DPH6: variants seen among roughly 807,000 people sequenced by gnomAD.
DPH6 encodes diphthamine biosynthesis 6.
DPH6 carries 33 observed loss-of-function variants against 38.2 expected under a neutral mutation model. The observed-to-expected ratio is 0.86, with a 90% CI of 0.65 to 1.15. The LOEUF is 1.15. Ranked by LOEUF, DPH6 falls within the 50% of genes most tolerant of loss-of-function variation. The pLI, the probability that DPH6 is intolerant of heterozygous loss-of-function variation, is 0.00. For synonymous variants in DPH6, 108 were observed against 103.0 expected, an observed-to-expected ratio of 1.05 and a Z score of -0.30; for missense variants, 325 against 320.0, an observed-to-expected ratio of 1.02 and a Z score of -0.12.
At chr15:35,173,623 A>G in the DPH6 span, among the ~76,000 whole-genome samples, 1 of 151,684 alleles carries the variant, frequency 6.6e-6, no homozygotes, top group South Asian at 2.1e-4. Flanking sequence ...ACTTCTTAGC[A>G]TGACTCATCA....
At chr15:35,541,559 C>G (rs2055253496) in intron 2 of DPH6, among the ~76,000 whole-genome samples, 1 of 152,070 alleles carries the variant, frequency 6.6e-6, no homozygotes, top group Non-Finnish European at 1.5e-5. Flanking sequence ...ACATACACCA[C>G]TCATTTAATT....
downstream of DPH6, chr15:35,330,737 C>G (rs1011360872): frequency 6.6e-6 from 1 of 152,140 alleles, no homozygotes; most frequent in African/African-American, 2.4e-5. Flanking sequence ...TTTACTTTTT[C>G]TCTTTACAAC....
intron 3 of DPH6, among the ~76,000 whole-genome samples, chr15:35,258,026 T>C (rs1057411537): frequency 9.8e-5 from 15 of 152,304 alleles, no homozygotes; most frequent in African/African-American, 3.4e-4. Flanking sequence ...CTGTAGAACA[T>C]CATGGTCCTT....
intron 5 of DPH6, among the ~76,000 whole-genome samples, chr15:35,430,675 A>G (rs1270753900): frequency 6.6e-6 from 1 of 152,218 alleles, no homozygotes; most frequent in African/African-American, 2.4e-5. Flanking sequence ...CAACTGCTTA[A>G]TACAAACATT....
intron 7 of DPH6, among the ~76,000 whole-genome samples, chr15:35,379,295 T>C (rs938065961): frequency 6.6e-6 from 1 of 152,358 alleles, no homozygotes; most frequent in East Asian, 1.9e-4. Flanking sequence ...AGAGGTAGTC[T>C]TCTTTTTTTG....
At chr15:35,202,857 C>A in the DPH6 span, among the ~76,000 whole-genome samples, 2,236 of 151,802 alleles carry the variant, frequency 0.015, 41 homozygotes, top group African/African-American at 0.045. Flanking sequence ...GAGACACAAC[C>A]AGCACACAGA....
At chr15:35,542,335 C>T (rs888656857) in intron 2 of DPH6, 78 bp downstream of exon 2, 17 of 1,183,294 alleles carry the variant, frequency 1.4e-5, no homozygotes, top group East Asian at 7.1e-5. Flanking sequence ...CATCTTTGTA[C>T]GGTATACCTG....
chr15:35,298,739 A>C, intron 3 of DPH6: 1 of 1,570,688 alleles, frequency 6.4e-7, no homozygotes, highest in East Asian at 2.2e-5. Context: ...CTTGTGCGCC[A>C]CCGTGCCCCC....
At chr15:35,280,335 T>C (rs1351900092) in intron 3 of DPH6, among the ~76,000 whole-genome samples, 1 of 152,174 alleles carries the variant, frequency 6.6e-6, no homozygotes, top group African/African-American at 2.4e-5. Flanking sequence ...CTTCTTCAAA[T>C]GATAACCAGA....
At chr15:35,432,240 G>C (rs1295346672) in intron 5 of DPH6, among the ~76,000 whole-genome samples, 1 of 152,110 alleles carries the variant, frequency 6.6e-6, no homozygotes, top group Non-Finnish European at 1.5e-5. Context: ...TGTTTAAAAT[G>C]GGTAAAAATG....
chr15:35,520,871 C>T, intron 3 of DPH6: 9 of 985,038 alleles, frequency 9.1e-6, no homozygotes, highest in Non-Finnish European at 1.1e-5. Context: ...AATAAAGGAA[C>T]CCAAATTCCC....
At chr15:35,454,630 C>T (rs2141089288) in intron 4 of DPH6, 117 bp downstream of exon 4, 1 of 798,984 alleles carries the variant, frequency 1.3e-6, no homozygotes, top group Non-Finnish European at 2.0e-6. Flanking sequence ...CATTTAGTTC[C>T]ATGGAGCACG....
downstream of DPH6, among the ~76,000 whole-genome samples, chr15:35,214,319 C>T (rs183406081): frequency 4.6e-5 from 7 of 152,266 alleles, no homozygotes; most frequent in East Asian, 1.4e-3. Flanking sequence ...CTGGTTGAGT[C>T]TTCACCAGTT....
At chr15:35,269,956 A>G (rs1191921533) in intron 3 of DPH6, among the ~76,000 whole-genome samples, 2 of 151,164 alleles carry the variant, frequency 1.3e-5, no homozygotes, top group Non-Finnish European at 2.9e-5. Flanking sequence ...ACGCCCAGCT[A>G]ATCTTTTTTG....
At chr15:35,436,540 A>G (rs2053717370) in intron 5 of DPH6, among the ~76,000 whole-genome samples, 1 of 130,378 alleles carries the variant, frequency 7.7e-6, no homozygotes, top group African/African-American at 2.7e-5. Context: ...CCTGTTCGTC[A>G]CTGCACTCCA....
At chr15:35,181,469 C>T in the DPH6 span, among the ~76,000 whole-genome samples, 1 of 129,040 alleles carries the variant, frequency 7.7e-6, no homozygotes, top group African/African-American at 2.7e-5. Context: ...AAAAAAAACT[C>T]TGCTTTTTAG....
intron 3 of DPH6, among the ~76,000 whole-genome samples, chr15:35,283,837 C>T (rs973570438): frequency 9.2e-5 from 14 of 151,726 alleles, no homozygotes; most frequent in South Asian, 2.1e-4. Flanking sequence ...AAATGACTTT[C>T]GACATCCAAT....
intron 3 of DPH6, among the ~76,000 whole-genome samples, chr15:35,505,829 T>C (rs1230780271): frequency 9.9e-5 from 15 of 152,258 alleles, no homozygotes; most frequent in South Asian, 2.1e-4. Context: ...TTTGGAAATA[T>C]AGGGCTCATT....
intron 3 of DPH6, among the ~76,000 whole-genome samples, chr15:35,357,245 C>A (rs1353542157): frequency 6.6e-6 from 1 of 152,214 alleles, no homozygotes; most frequent in Non-Finnish European, 1.5e-5. Context: ...TGAGGCGATG[C>A]CTCGCCCTGC....
Sources: gnomAD v4.1 joint callset for allele counts (sites outside exome capture counted in the v4.1 genomes callset) on GRCh38, gnomAD v4.1.1 for gene constraint, MANE v1.5 for transcripts, NCBI Gene and HGNC (gene_info 2026-07-23, HGNC 2026-07-21) for gene names.